Variants in RANBP17 observed in about 807,000 individuals in gnomAD.
The protein encoded by RANBP17 is ran-binding protein 17.
Under a neutral mutation model 141.2 loss-of-function variants are expected in RANBP17, and 158 were observed. The observed-to-expected ratio is 1.12, with a 90% CI of 0.98 to 1.28. The LOEUF is 1.28. Ranked by LOEUF, RANBP17 falls within the 50% of genes most tolerant of loss-of-function variation. The pLI is 0.00. For missense variants in RANBP17, 1,438 were observed against 1,290.7 expected (o/e 1.11, Z -1.75); for synonymous variants, 430 against 450.0 (o/e 0.96, Z 0.56).
At chr5:171,223,450 A>G (rs935163899) in intron 22 of RANBP17, among the ~76,000 whole-genome samples, 9 of 152,184 alleles carry the variant, frequency 5.9e-5, no homozygotes, top group Non-Finnish European at 7.3e-5. Context: ...CCTGGCTAAC[A>G]TGGTGAAACC....
rs371757436 is a variant in RANBP17 at position 170,918,773 on chromosome 5, A to G, written c.1015A>G (p.Asn339Asp). ...FCRFLARLKT[N>D]YQLGELVMVK... is the part of the protein sequence containing the mutation. ...TCGATTTTTGGCTCGTTTAAAGACA[A>G]ATTATCAGCTGGGAGAATTAGTTAT... The change falls in exon 10 of 28, where the codon AAT (asparagine) becomes GAT (aspartate). Residue 339 changes from asparagine to aspartate, a missense_variant. Asn to Asp is a conservative substitution (Grantham distance 23). Transcript: ENST00000523189. 31 of 1,607,770 alleles carry G rather than the reference A, an allele frequency of 1.9e-5. No individual in the cohort carries two copies. The African/African-American group carries it at 2.0e-4, about 10-fold the overall frequency.
intron 14 of RANBP17, among the ~76,000 whole-genome samples, chr5:170,988,400 A>C (rs953707091): frequency 1.3e-5 from 2 of 151,114 alleles, no homozygotes; most frequent in African/African-American, 4.9e-5. Context: ...TTCTAGGAAT[A>C]AGAATAATAA....
At chr5:171,208,999 T>C (rs1005442432) in intron 20 of RANBP17, among the ~76,000 whole-genome samples, 1 of 152,210 alleles carries the variant, frequency 6.6e-6, no homozygotes, top group African/African-American at 2.4e-5. Flanking sequence ...GGAGTATAGA[T>C]ACTACCCCAA....
chr5:170,980,390 C>G (rs1777678745), intron 14 of RANBP17, among the ~76,000 whole-genome samples: 1 of 152,140 alleles, frequency 6.6e-6, no homozygotes, highest in South Asian at 2.1e-4. Flanking sequence ...GAAAATGTCC[C>G]CAGGGCATGT....
chr5:171,091,099 C>T (rs1786226424), intron 14 of RANBP17, among the ~76,000 whole-genome samples: 1 of 152,156 alleles, frequency 6.6e-6, no homozygotes, highest in Admixed American at 6.5e-5. Flanking sequence ...ACAGCTTGCA[C>T]TGTGCATCTG....
chr5:171,261,090 C>CCAAA (rs1554125343), intron 24 of RANBP17, among the ~76,000 whole-genome samples: 26 of 68,468 alleles, frequency 3.8e-4, no homozygotes, highest in South Asian at 6.9e-4. Flanking sequence ...CCACCCCCCC[C>CCAAA]AAAAAAAAAA....
intron 1 of RANBP17, among the ~76,000 whole-genome samples, chr5:170,865,532 A>G (rs1021746763): frequency 1.6e-4 from 24 of 152,320 alleles, no homozygotes; most frequent in Middle Eastern, 3.4e-3. Context: ...GCATTCCCAG[A>G]GCAGCTTGAG....
chr5:170,949,347 G>A (rs1775020068), intron 12 of RANBP17, among the ~76,000 whole-genome samples: 1 of 152,060 alleles, frequency 6.6e-6, no homozygotes, highest in South Asian at 2.1e-4. Flanking sequence ...TAAGAGATTA[G>A]CATCTAGAAT....
intron 13 of RANBP17, among the ~76,000 whole-genome samples, chr5:170,955,582 G>GTATATA (rs869169939): frequency 4.1e-4 from 17 of 41,668 alleles, no homozygotes; most frequent in East Asian, 6.7e-4. Context: ...CAGTCTGTGT[G>GTATATA]TATATATATA....
At chr5:171,079,850 A>G (rs890067744) in intron 14 of RANBP17, among the ~76,000 whole-genome samples, 7 of 152,182 alleles carry the variant, frequency 4.6e-5, no homozygotes, top group African/African-American at 1.7e-4. Flanking sequence ...GTGGTGTGGA[A>G]CAGAAACTGC....
At chr5:170,961,513 A>T (rs1776147698) in intron 13 of RANBP17, among the ~76,000 whole-genome samples, 1 of 152,208 alleles carries the variant, frequency 6.6e-6, no homozygotes. Flanking sequence ...CACATTGAAC[A>T]TCCCTAATCC....
chr5:170,973,998 CACAA>C (rs1212651888), intron 14 of RANBP17, among the ~76,000 whole-genome samples: 1 of 152,170 alleles, frequency 6.6e-6, no homozygotes, highest in Non-Finnish European at 1.5e-5. Context: ...TTGTCAGGGA[CACAA>C]ACATTCAGAC....
chr5:171,147,471 A>G (rs1203675715), intron 14 of RANBP17, among the ~76,000 whole-genome samples: 3 of 146,056 alleles, frequency 2.1e-5, no homozygotes, highest in Non-Finnish European at 4.5e-5. Context: ...GCTGGAGTGC[A>G]GTGGCGGTAT....
chr5:171,039,187 C>T (rs1236976616), intron 14 of RANBP17, among the ~76,000 whole-genome samples: 1 of 150,626 alleles, frequency 6.6e-6, no homozygotes, highest in Non-Finnish European at 1.5e-5. Context: ...ATTTATCTTC[C>T]TACCAACAGT....
chr5:171,180,806 A>G (rs1760814946), intron 16 of RANBP17, among the ~76,000 whole-genome samples: 1 of 152,202 alleles, frequency 6.6e-6, no homozygotes, highest in Admixed American at 6.5e-5. Flanking sequence ...AAGTGCACAG[A>G]TGCCGTTCTG....
intron 14 of RANBP17, among the ~76,000 whole-genome samples, chr5:171,137,572 A>AGATG (rs1554103796): frequency 1.3e-4 from 18 of 141,032 alleles, no homozygotes; most frequent in Admixed American, 5.0e-4. Flanking sequence ...TTGACTTGAG[A>AGATG]TGTGTGTGTG....
chr5:171,060,396 C>A (rs969876452), intron 14 of RANBP17, among the ~76,000 whole-genome samples: 1 of 151,816 alleles, frequency 6.6e-6, no homozygotes, highest in African/African-American at 2.4e-5. Context: ...TTGTCAAAGG[C>A]CTTTTTTGCA....
At chr5:170,997,741 G>C (rs1206828526) in intron 14 of RANBP17, among the ~76,000 whole-genome samples, 2 of 151,994 alleles carry the variant, frequency 1.3e-5, no homozygotes, top group Admixed American at 1.3e-4. Context: ...TGAGAAAAAA[G>C]TTTCCTTTAT....
intron 14 of RANBP17, among the ~76,000 whole-genome samples, chr5:171,051,360 A>T (rs1428370178): frequency 6.6e-6 from 1 of 152,128 alleles, no homozygotes; most frequent in Non-Finnish European, 1.5e-5. Flanking sequence ...CCAGAGAAAT[A>T]CTTTGTACCT....
Sources: allele counts gnomAD v4.1 joint callset (sites outside exome capture counted in the v4.1 genomes callset), GRCh38; gene constraint gnomAD v4.1.1; transcripts MANE v1.5; gene names NCBI Gene and HGNC (gene_info 2026-07-23, HGNC 2026-07-21).